The following SLC39A11 variants were observed in gnomAD, a reference collection of about 807,000 sequenced individuals.
SLC39A11 encodes zinc transporter ZIP11.
SLC39A11 carries 33 observed loss-of-function variants against 36.1 expected under a neutral mutation model. The observed-to-expected ratio is 0.91, with a 90% CI of 0.69 to 1.22. SLC39A11 has a LOEUF of 1.22. Ranked by LOEUF, SLC39A11 falls within the 50% of genes most tolerant of loss-of-function variation. The probability of loss-of-function intolerance (pLI) is 0.00; values close to 1 mark genes in which losing one functional copy is unlikely to be tolerated. For synonymous variants in SLC39A11, 166 were observed against 170.3 expected (o/e 0.97, Z 0.20); for missense variants, 432 against 430.3 (o/e 1.00, Z -0.03).
chr17:72,836,926 C>T (rs1430693379), intron 6 of SLC39A11, among the ~76,000 whole-genome samples: 2 of 152,112 alleles, frequency 1.3e-5, no homozygotes, highest in East Asian at 3.8e-4. Context: ...TGTTGCATCA[C>T]GGTTTCTCCT....
chr17:72,929,274 G>A (rs1227610516), intron 5 of SLC39A11, among the ~76,000 whole-genome samples: 3 of 152,154 alleles, frequency 2.0e-5, no homozygotes, highest in Non-Finnish European at 2.9e-5. Context: ...CATTGACGGG[G>A]GGTACTACAG....
chr17:72,773,680 C>CACACACACACACACAT lies in SLC39A11; in HGVS notation c.602-36962_602-36961insATGTGTGTGTGTGTGT, dbSNP rs879349280. On this transcript the variant is annotated intron_variant, in intron 6 of 9. Transcript: ENST00000255559. ...ACACACACACACACACACACACACC[C>CACACACACACACACAT]AGTATATAAAGGATATCAGTGTCAT... is the stretch of plus-strand genomic sequence containing the variant. Among the ~76,000 whole-genome samples the CACACACACACACACAT allele has an allele frequency of 1.0e-3, 150 of 150,146 alleles. 4 individuals are homozygous for CACACACACACACACAT. The highest frequency in any genetic ancestry group is 3.4e-3 in the African/African-American group (139 of 40,642).
chr17:72,772,648 C>A (rs7210709), intron 6 of SLC39A11, among the ~76,000 whole-genome samples: 6 of 152,266 alleles, frequency 3.9e-5, no homozygotes, highest in Non-Finnish European at 5.9e-5. Flanking sequence ...CCTGTTGCAT[C>A]GCTGCACACC....
intron 6 of SLC39A11, among the ~76,000 whole-genome samples, chr17:72,844,657 G>A (rs2078972278): frequency 6.6e-6 from 1 of 152,142 alleles, no homozygotes; most frequent in African/African-American, 2.4e-5. Context: ...CATCAGGGCA[G>A]ACTCTGTCTC....
intron 5 of SLC39A11, among the ~76,000 whole-genome samples, chr17:72,935,548 A>C (rs537507681): frequency 3.3e-5 from 5 of 152,308 alleles, no homozygotes; most frequent in Non-Finnish European, 7.4e-5. Context: ...TTAAAGAATA[A>C]ATTTTTAAAA....
Position 72,647,489 on chromosome 17 carries a change from A to G in SLC39A11, c.*95T>C. ...AGATGAAGAAGAGAGGAAGGAAAAA[A>G]GTTTTAATGTGAAGAAAGAAGCTTG... On this transcript the variant is annotated 3_prime_UTR_variant, in exon 10 of 10. Coordinates refer to ENST00000255559, the MANE Select transcript of SLC39A11 (RefSeq NM_139177.4). 5 of 963,854 alleles carry G rather than the reference A, an allele frequency of 5.2e-6. No individual in the cohort carries two copies. Among genetic ancestry groups the G allele is most frequent in the Non-Finnish European group, 6.3e-6 (4 of 637,514 alleles). The allele number at this position is 963,854 out of a possible 1,614,324, so 59.7% of individuals were successfully genotyped here. A position where few individuals can be genotyped will look rare whatever the true frequency, so the allele number is the denominator to read the frequency against.
At chr17:72,870,769 G>A (rs957361294) in intron 5 of SLC39A11, among the ~76,000 whole-genome samples, 2 of 152,252 alleles carry the variant, frequency 1.3e-5, no homozygotes, top group Admixed American at 6.5e-5. Flanking sequence ...GCCTGCTAAT[G>A]AGCCTATGTT....
Position 72,970,940 on chromosome 17 carries a change from C to T in SLC39A11, c.307-23065G>A, listed in dbSNP as rs569236201. On this transcript the variant is annotated intron_variant, in intron 4 of 9. Transcript: ENST00000255559. ...TTGTCTTCCCCTTGCACGGCACCTC[C>T]GCTGGGTGTCTGGGGCTCTGGGTGT... 2.6e-5 allele frequency among the ~76,000 whole-genome samples: 4 copies of T among 152,356 alleles called. No homozygotes were observed. The East Asian group carries it at 5.8e-4, about 22-fold the overall frequency.
At chr17:72,717,016 C>CATATAAAATATATAT (rs2073418582) in intron 7 of SLC39A11, among the ~76,000 whole-genome samples, 7 of 145,910 alleles carry the variant, frequency 4.8e-5, no homozygotes, top group African/African-American at 1.8e-4. Flanking sequence ...CACACACACA[C>CATATAAAATATATAT]ACACACACAT....
rs34493327 is a variant in SLC39A11, at chr17:73,044,879, A to G, written c.148-13165T>C. ...GTGATAGAGCAAGACTCTGTCTCAGAAAAAAAAAAAAAAAAAAGAAAAGAA... is the reference window on the plus strand; with the variant it reads ...GTGATAGAGCAAGACTCTGTCTCAGGAAAAAAAAAAAAAAAAAGAAAAGAA... On this transcript the variant is annotated intron_variant, in intron 3 of 9. Transcript: ENST00000255559. Among the ~76,000 whole-genome samples the G allele has an allele frequency of 7.1e-3, 226 of 32,032 alleles. 3 individuals carry two copies. The highest frequency in any genetic ancestry group is 0.02 in the South Asian group (10 of 490). The allele number at this position is 32,032 out of a possible 152,430, so 21.0% of individuals were successfully genotyped here.
intron 6 of SLC39A11, among the ~76,000 whole-genome samples, chr17:72,775,323 A>G (rs2076096142): frequency 6.6e-6 from 1 of 152,090 alleles, no homozygotes; most frequent in South Asian, 2.1e-4. Flanking sequence ...CATCAGCATC[A>G]TCTGTGACCC....
At chr17:73,048,910 A>G (rs1221671298) in intron 3 of SLC39A11, among the ~76,000 whole-genome samples, 1 of 152,232 alleles carries the variant, frequency 6.6e-6, no homozygotes, top group Non-Finnish European at 1.5e-5. Flanking sequence ...TGAACATGGT[A>G]GATACAGGTG....
intron 5 of SLC39A11, among the ~76,000 whole-genome samples, chr17:72,945,043 A>AGATAGATGGATG (rs1555644858): frequency 6.6e-6 from 1 of 150,944 alleles, no homozygotes; most frequent in Non-Finnish European, 1.5e-5. Context: ...AGCTAATTGG[A>AGATAGATGGATG]GATGGATGGA....
At chr17:73,069,792 G>A (rs538328103) in intron 3 of SLC39A11, among the ~76,000 whole-genome samples, 1 of 152,188 alleles carries the variant, frequency 6.6e-6, no homozygotes, top group East Asian at 1.9e-4. Context: ...TCATGTGGTT[G>A]GTACTAAGAT....
At chr17:72,729,424 TATATATATATATATATATA>T (rs2074082992) in intron 7 of SLC39A11, among the ~76,000 whole-genome samples, 7 of 2,260 alleles carry the variant, frequency 3.1e-3, no homozygotes, top group Non-Finnish European at 3.2e-3. Flanking sequence ...TATATATATA[TATATATATATATATATATA>T]TATATATATA....
intron 7 of SLC39A11, among the ~76,000 whole-genome samples, chr17:72,677,629 G>C (rs993461002): frequency 6.6e-6 from 1 of 152,148 alleles, no homozygotes; most frequent in Admixed American, 6.5e-5. Flanking sequence ...TCTCAAACCC[G>C]AGTGTGCATC....
intron 6 of SLC39A11, among the ~76,000 whole-genome samples, chr17:72,779,671 A>G (rs1272186646): frequency 6.6e-6 from 1 of 152,208 alleles, no homozygotes; most frequent in East Asian, 1.9e-4. Flanking sequence ...TCATGGCAGC[A>G]TCTCAAGTTG....
intron 3 of SLC39A11, among the ~76,000 whole-genome samples, chr17:73,056,082 A>C (rs1433575045): frequency 6.6e-6 from 1 of 152,134 alleles, no homozygotes; most frequent in East Asian, 1.9e-4. Context: ...AGGGCACAGG[A>C]GAGGCACCGC....
At chr17:72,907,271 T>C (rs62069569) in intron 5 of SLC39A11, among the ~76,000 whole-genome samples, 379 of 152,254 alleles carry the variant, frequency 2.5e-3, no homozygotes, top group Non-Finnish European at 4.3e-3. Flanking sequence ...GGGCGCATCA[T>C]TTGAGCTCAG....
Sources: allele counts gnomAD v4.1 joint callset (sites outside exome capture counted in the v4.1 genomes callset), GRCh38; gene constraint gnomAD v4.1.1; transcripts MANE v1.5; gene names NCBI Gene and HGNC (gene_info 2026-07-23, HGNC 2026-07-21).